Variants in CLTC observed in about 807,000 individuals in gnomAD.
The protein encoded by CLTC is clathrin heavy chain 1.
Under a neutral mutation model 195.8 loss-of-function variants are expected in CLTC, and 16 were observed. The ratio of observed to expected loss-of-function variants is 0.08; its 90% CI spans 0.06 to 0.12. The LOEUF (loss-of-function observed/expected upper bound fraction) is 0.12. Ranked by LOEUF, CLTC falls within the 10% of genes least tolerant of loss-of-function variation. The probability of loss-of-function intolerance (pLI) is 1.00; values close to 1 mark genes in which losing one functional copy is unlikely to be tolerated. For synonymous variants in CLTC, 667 were observed against 689.4 expected, an observed-to-expected ratio of 0.97 and a Z score of 0.51; for missense variants, 796 against 2,027.0, an observed-to-expected ratio of 0.39 and a Z score of 11.66.
At chr17:59,642,757 A>G (rs2032075301) in intron 1 of CLTC, among the ~76,000 whole-genome samples, 1 of 152,220 alleles carries the variant, frequency 6.6e-6, no homozygotes, top group Admixed American at 6.5e-5. Context: ...CGATGTTTGT[A>G]TTAATGGTTA....
At chr17:59,639,372 G>A (rs1322797635) in intron 1 of CLTC, among the ~76,000 whole-genome samples, 2 of 151,912 alleles carry the variant, frequency 1.3e-5, no homozygotes, top group Non-Finnish European at 2.9e-5. Flanking sequence ...AAAAAAACAA[G>A]CCCCTTTTTT....
chr17:59,659,605 C>T (rs1452654817), intron 6 of CLTC, among the ~76,000 whole-genome samples: 2 of 151,606 alleles, frequency 1.3e-5, no homozygotes, highest in Non-Finnish European at 2.9e-5. Context: ...CCACCATGCC[C>T]GGCTAATTTT....
chr17:59,682,209 T>G lies in CLTC; in HGVS notation c.3443-62T>G, dbSNP rs978219977. 3.4e-6 allele frequency: 5 copies of G among 1,476,676 alleles called. No individual in the cohort carries two copies. In the African/African-American group the frequency reaches 7.1e-5, roughly 21 times the overall value. The allele number at this position is 1,476,676 out of a possible 1,614,324, so 91.5% of individuals were successfully genotyped here. On this transcript the variant is annotated intron_variant, in intron 21 of 31. Coordinates refer to ENST00000269122, the MANE Select transcript of CLTC (RefSeq NM_004859.4). This position sits in a 1 kb window ranked among gnomAD's most constrained non-coding sequence, Gnocchi z 6.8. ...GGAAATGAATGCAATTTTCATTTAC[T>G]TGGGTGAAAGATAAACTAGGATGTT...
At chr17:59,630,222 G>A (rs1192125698) in intron 1 of CLTC, among the ~76,000 whole-genome samples, 6 of 151,184 alleles carry the variant, frequency 4.0e-5, no homozygotes, top group African/African-American at 1.5e-4. Context: ...GGCTGGCCTC[G>A]AACTCCTGAG....
rs774425903 is a variant in CLTC at position 59,660,360 on chromosome 17, T to C, written c.970-31T>C. ...TATCATTTGTATCCAAATGAACACA[T>C]TGCAGCTACATTTTATTCTTTAAAT... On this transcript the variant is annotated intron_variant, in intron 6 of 31. Coordinates refer to ENST00000269122, the MANE Select transcript of CLTC (RefSeq NM_004859.4). 10 of 1,583,400 alleles carry C rather than the reference T, an allele frequency of 6.3e-6. No homozygotes were observed. In the African/African-American group the frequency reaches 8.1e-5, roughly 13 times the overall value.
In CLTC at chr17:59,648,406, G is replaced by A. The variant is rs1344889654; in HGVS notation, c.681+5G>A. On this transcript the variant is annotated splice_donor_5th_base_variant and intron_variant, in intron 4 of 31. Coordinates refer to ENST00000269122, the MANE Select transcript of CLTC (RefSeq NM_004859.4). The surrounding 1 kb of genome is among the most constrained non-coding windows in gnomAD (Gnocchi z 4.5). ...CGGGGCCAAGCTGGAGGGAAGGTAA[G>A]TTTTGGCTTTGGTAATTATTTTAAT... is the stretch of plus-strand genomic sequence containing the variant. 18 of 1,609,462 alleles carry A rather than the reference G, an allele frequency of 1.1e-5. No individual in the cohort carries two copies. Among genetic ancestry groups the A allele is most frequent in the Non-Finnish European group, 1.5e-5 (18 of 1,177,300 alleles).
Position 59,666,996 on chromosome 17 carries a change from GT to G in CLTC, c.2128+24del. On this transcript the variant is annotated intron_variant, in intron 13 of 31. Transcript: ENST00000269122. This position sits in a 1 kb window ranked among gnomAD's most constrained non-coding sequence, Gnocchi z 4.9. ...TTTGAAGGTAATTAGGAGTTTTTGA[GT>G]TTTTAAAAAAAGTACTTAAGGTAGC... 1 of 1,590,274 alleles carries G rather than the reference GT, an allele frequency of 6.3e-7. No individual in the cohort carries two copies.
At chr17:59,621,970 G>A (rs7216515) in intron 1 of CLTC, among the ~76,000 whole-genome samples, 3,714 of 152,270 alleles carry the variant, frequency 0.024, 145 homozygotes, top group African/African-American at 0.084. Flanking sequence ...ATTTTCCACG[G>A]CAGATGTGTA....
At chr17:59,620,693 C>CT (rs1198223406) in intron 1 of CLTC, among the ~76,000 whole-genome samples, 3 of 149,616 alleles carry the variant, frequency 2.0e-5, no homozygotes, top group Admixed American at 1.3e-4. Flanking sequence ...AGAAAGGCAC[C>CT]TTCTCCGGTG....
At chr17:59,658,526 T>C (rs1258760148) in intron 6 of CLTC, 1 of 152,238 alleles carries the variant, frequency 6.6e-6, no homozygotes, top group African/African-American at 2.4e-5. Context: ...TAGGGCTTTC[T>C]TCTACTCTTT....
chr17:59,673,380 G>T (rs1054742854), intron 14 of CLTC, among the ~76,000 whole-genome samples: 4 of 152,168 alleles, frequency 2.6e-5, no homozygotes, highest in Admixed American at 6.6e-5. Context: ...ACTGGCTCAG[G>T]TATCTTAATT....
At chr17:59,665,402 A>G (rs1215789679) in intron 10 of CLTC, among the ~76,000 whole-genome samples, 14 of 152,198 alleles carry the variant, frequency 9.2e-5, no homozygotes, top group Non-Finnish European at 7.3e-5. Context: ...ATGTATGTGT[A>G]TTAAAAATAT....
intron 5 of CLTC, among the ~76,000 whole-genome samples, chr17:59,653,428 C>T (rs928776117): frequency 2.4e-4 from 36 of 151,834 alleles, no homozygotes; most frequent in Non-Finnish European, 4.3e-4. Flanking sequence ...CTCCTGACCT[C>T]GTGATCCACC....
chr17:59,674,404 T>C (rs2032920598), intron 15 of CLTC, among the ~76,000 whole-genome samples: 1 of 152,138 alleles, frequency 6.6e-6, no homozygotes, highest in Non-Finnish European at 1.5e-5. Flanking sequence ...TGTATCTTCT[T>C]TGGACTTATT....
At position 59,674,736 on chromosome 17, in the gene CLTC, A is replaced by T; in HGVS notation, c.2454A>T (p.Gly818=). ...GTCGACTTCCTGTAGTTATTGGAGGATTACTTGATGTTGACTGTTCTGAAG... is the reference window on the plus strand; with the variant it reads ...GTCGACTTCCTGTAGTTATTGGAGGTTTACTTGATGTTGACTGTTCTGAAG... ...NPSRLPVVIG[G]LLDVDCSEDV... Residue 818 remains glycine (G), a synonymous_variant, in exon 16 of 32, where the codon GGA becomes GGT. Coordinates refer to ENST00000269122, the MANE Select transcript of CLTC (RefSeq NM_004859.4). The T allele has an allele frequency of 6.2e-7, 1 of 1,613,262 alleles. No homozygotes were observed. Among genetic ancestry groups the T allele is most frequent in the Non-Finnish European group, 8.5e-7 (1 of 1,179,576 alleles).
rs5821272 is a variant in CLTC, at chr17:59,624,454, CTTTTTTTTT to C, written c.42+4298_42+4306del. On this transcript the variant is annotated intron_variant, in intron 1 of 31. Transcript: ENST00000269122. ...ATAGAAAAATAATATGAGCCACATA[CTTTTTTTTT>C]TTTTTTTTTTTTTTTTGAGACAGAG... is the stretch of plus-strand genomic sequence containing the variant. 2.7e-3 allele frequency among the ~76,000 whole-genome samples: 263 copies of C among 98,148 alleles called. 3 individuals are homozygous for C. The highest frequency in any genetic ancestry group is 0.014 in the Middle Eastern group (2 of 144). 64.4% of individuals were successfully genotyped at this position (98,148 alleles called of 152,430 possible). A position where few individuals can be genotyped will look rare whatever the true frequency, so the allele number is the denominator to read the frequency against.
At chr17:59,625,078 CA>C (rs1257957176) in intron 1 of CLTC, among the ~76,000 whole-genome samples, 1 of 151,820 alleles carries the variant, frequency 6.6e-6, no homozygotes, top group Non-Finnish European at 1.5e-5. Flanking sequence ...CATTCTTTTT[CA>C]TACTAAATTT....
intron 1 of CLTC, among the ~76,000 whole-genome samples, chr17:59,629,546 A>G (rs915882953): frequency 4.2e-4 from 44 of 105,960 alleles, no homozygotes; most frequent in African/African-American, 6.5e-4. Context: ...TTTGAGATGG[A>G]GTCTTGCTCT....
At chr17:59,640,460 G>A (rs1046974926) in intron 1 of CLTC, among the ~76,000 whole-genome samples, 2 of 151,476 alleles carry the variant, frequency 1.3e-5, no homozygotes, top group Non-Finnish European at 2.9e-5. Flanking sequence ...GCAGTAGGGC[G>A]GTCTTGGCTC....
Sources: gnomAD v4.1 joint callset for allele counts (sites outside exome capture counted in the v4.1 genomes callset) on GRCh38, gnomAD v4.1.1 for gene constraint, Gnocchi (gnomAD v3.1) non-coding constraint, MANE v1.5 for transcripts, NCBI Gene and HGNC (gene_info 2026-07-23, HGNC 2026-07-21) for gene names.